The following C13orf42 variants were observed in gnomAD, a reference collection of about 807,000 sequenced individuals.
C13orf42 encodes the protein uncharacterized protein C13orf42.
At chr13:51,156,104 C>T (rs551531725) in intron 1 of C13orf42, among the ~76,000 whole-genome samples, 1 of 152,300 alleles carries the variant, frequency 6.6e-6, no homozygotes, top group African/African-American at 2.4e-5. Flanking sequence ...ACCCCACCCC[C>T]GGCCTGTAAC....
At chr13:51,160,956 G>T (rs1475062628) in intron 1 of C13orf42, among the ~76,000 whole-genome samples, 1 of 101,254 alleles carries the variant, frequency 9.9e-6, no homozygotes. Context: ...ACAAAGATTG[G>T]AAACAAGAAA....
At chr13:51,087,726 A>T (rs561783706) in intron 2 of C13orf42, among the ~76,000 whole-genome samples, 1 of 152,320 alleles carries the variant, frequency 6.6e-6, no homozygotes, top group African/African-American at 2.4e-5. Flanking sequence ...CAGCACAGAA[A>T]ACTGAAGTAA....
At chr13:51,150,327 CCAGCGTATCCTA>C (rs1372633229) in intron 1 of C13orf42, among the ~76,000 whole-genome samples, 1 of 152,176 alleles carries the variant, frequency 6.6e-6, no homozygotes, top group Non-Finnish European at 1.5e-5. Context: ...TTTACAGCCA[CCAGCGTATCCTA>C]CTGGGGCGAC....
At chr13:51,105,819 TC>T (rs1460998568) in intron 1 of C13orf42, among the ~76,000 whole-genome samples, 1 of 152,178 alleles carries the variant, frequency 6.6e-6, no homozygotes, top group Non-Finnish European at 1.5e-5. Context: ...AAATACGTTT[TC>T]CAGTCAAAAG....
At chr13:51,096,830 A>G (rs1953239340) in intron 1 of C13orf42, among the ~76,000 whole-genome samples, 1 of 152,242 alleles carries the variant, frequency 6.6e-6, no homozygotes, top group Admixed American at 6.5e-5. Flanking sequence ...ATATTTTAAA[A>G]CTATGTAAAT....
intron 1 of C13orf42, among the ~76,000 whole-genome samples, chr13:51,164,735 A>G (rs1443313049): frequency 6.6e-6 from 1 of 152,222 alleles, no homozygotes; most frequent in African/African-American, 2.4e-5. Flanking sequence ...CTAGATGTAC[A>G]CTGAAAGTGG....
At chr13:51,136,008 G>A (rs534206413) in intron 1 of C13orf42, among the ~76,000 whole-genome samples, 1 of 152,328 alleles carries the variant, frequency 6.6e-6, no homozygotes, top group Non-Finnish European at 1.5e-5. Context: ...CATTTGCAGG[G>A]CGTGACCTCC....
intron 1 of C13orf42, among the ~76,000 whole-genome samples, chr13:51,096,862 A>G (rs116310417): frequency 0.02 from 3,096 of 152,354 alleles, 86 homozygotes; most frequent in African/African-American, 0.067. Flanking sequence ...CTCCAAAACC[A>G]AAACTATAAC....
intron 1 of C13orf42, among the ~76,000 whole-genome samples, chr13:51,122,544 A>G (rs1953544630): frequency 6.7e-6 from 1 of 150,008 alleles, no homozygotes. Flanking sequence ...AAAAGAAAAA[A>G]AAAAAAAAGA....
chr13:51,122,100 T>C (rs1272322157), intron 1 of C13orf42, among the ~76,000 whole-genome samples: 1 of 152,178 alleles, frequency 6.6e-6, no homozygotes, highest in Non-Finnish European at 1.5e-5. Flanking sequence ...TACACAAATA[T>C]TTTTAGTATA....
At chr13:51,117,929 A>G (rs915212305) in intron 1 of C13orf42, among the ~76,000 whole-genome samples, 1 of 152,226 alleles carries the variant, frequency 6.6e-6, no homozygotes, top group Non-Finnish European at 1.5e-5. Context: ...CTGCATGGTC[A>G]AAAGTGGCTC....
At chr13:51,102,539 G>A (rs1953305642) in intron 1 of C13orf42, among the ~76,000 whole-genome samples, 1 of 152,136 alleles carries the variant, frequency 6.6e-6, no homozygotes, top group South Asian at 2.1e-4. Flanking sequence ...AATTCAATGG[G>A]TTCTTTTTAA....
chr13:51,112,494 A>T (rs1249825854), upstream of C13orf42, among the ~76,000 whole-genome samples: 1 of 152,186 alleles, frequency 6.6e-6, no homozygotes, highest in Non-Finnish European at 1.5e-5. Context: ...TCTTTGTATG[A>T]CTGTAAAATA....
chr13:51,149,767 T>C (rs1307489393), intron 1 of C13orf42, among the ~76,000 whole-genome samples: 1 of 152,186 alleles, frequency 6.6e-6, no homozygotes, highest in African/African-American at 2.4e-5. Flanking sequence ...AGCATGAATA[T>C]TTCTCTTCAT....
intron 1 of C13orf42, among the ~76,000 whole-genome samples, chr13:51,134,254 C>T (rs954888302): frequency 2.0e-5 from 3 of 152,214 alleles, no homozygotes; most frequent in Non-Finnish European, 4.4e-5. Flanking sequence ...AAAACTCACT[C>T]ACTCAGGGTT....
At chr13:51,144,811 T>G (rs1212146218) in intron 1 of C13orf42, among the ~76,000 whole-genome samples, 1 of 152,194 alleles carries the variant, frequency 6.6e-6, no homozygotes, top group East Asian at 1.9e-4. Context: ...GGGCCTGGCT[T>G]TAGAAAAGTC....
chr13:51,149,312 G>GGA (rs369885945), intron 1 of C13orf42, among the ~76,000 whole-genome samples: 5 of 103,084 alleles, frequency 4.9e-5, no homozygotes, highest in Non-Finnish European at 7.6e-5. Flanking sequence ...GGCTGAAATT[G>GGA]AAAAAAAAAA....
At chr13:51,111,583 T>C (rs1953435178), upstream of C13orf42, among the ~76,000 whole-genome samples, 1 of 152,230 alleles carries the variant, frequency 6.6e-6, no homozygotes, top group African/African-American at 2.4e-5. Flanking sequence ...AGTTATTTTC[T>C]TTCCTTTTCA....
At chr13:51,117,850 G>A (rs769466519) in intron 1 of C13orf42, among the ~76,000 whole-genome samples, 5 of 152,130 alleles carry the variant, frequency 3.3e-5, no homozygotes, top group Admixed American at 2.6e-4. Flanking sequence ...TCTGCTCCAC[G>A]TGAACACTCA....
Sources: gnomAD v4.1 joint callset for allele counts (sites outside exome capture counted in the v4.1 genomes callset) on GRCh38, gnomAD v4.1.1 for gene constraint, MANE v1.5 for transcripts, NCBI Gene and HGNC (gene_info 2026-07-23, HGNC 2026-07-21) for gene names.